Variants in FAM241A observed in about 807,000 individuals in gnomAD.
FAM241A encodes uncharacterized protein FAM241A.
Under a neutral mutation model 12.2 loss-of-function variants are expected in FAM241A, and 7 were observed. That is an observed-to-expected ratio of 0.58 (90% CI 0.33 to 1.08). The LOEUF (loss-of-function observed/expected upper bound fraction) is 1.08. Ranked by LOEUF, FAM241A falls within the 50% of genes least tolerant of loss-of-function variation. The pLI is 0.04. For missense variants in FAM241A, 161 were observed against 169.7 expected (o/e 0.95, Z 0.29); for synonymous variants, 74 against 68.2 (o/e 1.08, Z -0.42).
At chr4:112,171,979 G>C (rs1723733247) in intron 1 of FAM241A, among the ~76,000 whole-genome samples, 1 of 152,254 alleles carries the variant, frequency 6.6e-6, no homozygotes, top group East Asian at 1.9e-4. Flanking sequence ...CTGATACATT[G>C]AAACAATTAG....
chr4:112,162,538 C>T (rs1484096735), intron 1 of FAM241A, among the ~76,000 whole-genome samples: 5 of 152,128 alleles, frequency 3.3e-5, no homozygotes, highest in African/African-American at 9.7e-5. Context: ...AGAGCCAAAT[C>T]GTGAGTGAAC....
At chr4:112,151,632 A>G (rs1723246332) in intron 1 of FAM241A, among the ~76,000 whole-genome samples, 1 of 152,206 alleles carries the variant, frequency 6.6e-6, no homozygotes. Flanking sequence ...ATGGAGAATA[A>G]GCAAGTCAAT....
chr4:112,152,543 G>T (rs4834221), intron 1 of FAM241A, among the ~76,000 whole-genome samples: 2 of 151,934 alleles, frequency 1.3e-5, no homozygotes, highest in Non-Finnish European at 1.5e-5. Context: ...GCAGCTCCTC[G>T]TATGCAACTT....
intron 1 of FAM241A, among the ~76,000 whole-genome samples, chr4:112,173,475 AG>A (rs1723763402): frequency 1.3e-5 from 2 of 152,232 alleles, no homozygotes; most frequent in South Asian, 4.1e-4. Flanking sequence ...GTTAATTACC[AG>A]CTAAAGTACA....
intron 1 of FAM241A, among the ~76,000 whole-genome samples, chr4:112,185,032 C>T (rs758030410): frequency 1.1e-4 from 16 of 152,000 alleles, no homozygotes; most frequent in Non-Finnish European, 1.6e-4. Flanking sequence ...TTGGCCTATA[C>T]GGCATACTTA....
At chr4:112,171,329 G>A in intron 1 of FAM241A, 1 of 752,884 alleles carries the variant, frequency 1.3e-6, no homozygotes, top group Non-Finnish European at 2.4e-6. Flanking sequence ...CCCAGGGAAA[G>A]CGGTGTTACG....
At position 112,192,532 on chromosome 4, in the gene FAM241A, T is replaced by G. The variant is rs1724187900; in HGVS notation, c.*5594T>G. The G allele has an allele frequency of 7.3e-6, 1 of 136,430 alleles. No individual in the cohort carries two copies. The highest frequency in any genetic ancestry group is 1.5e-5 in the Non-Finnish European group (1 of 64,726). The allele number at this position is 136,430 out of a possible 1,614,324, so 8.5% of individuals were successfully genotyped here. A position where few individuals can be genotyped will look rare whatever the true frequency, so the allele number is the denominator to read the frequency against. On this transcript the variant is annotated 3_prime_UTR_variant, in exon 2 of 2. Coordinates refer to ENST00000309733, the MANE Select transcript of FAM241A (RefSeq NM_152400.3). ...CCACAACAGTCCCCAGAGTGTGATGTTCCCCTTCCTGTGTCCATGTGTTCT... is the reference window on the plus strand; with the variant it reads ...CCACAACAGTCCCCAGAGTGTGATGGTCCCCTTCCTGTGTCCATGTGTTCT...
intron 1 of FAM241A, among the ~76,000 whole-genome samples, chr4:112,182,616 C>T (rs1723962425): frequency 6.6e-6 from 1 of 152,124 alleles, no homozygotes; most frequent in Admixed American, 6.6e-5. Context: ...TCTCTTATTC[C>T]TACAGTGAAG....
intron 1 of FAM241A, among the ~76,000 whole-genome samples, chr4:112,165,444 A>G (rs1426106227): frequency 6.6e-6 from 1 of 152,236 alleles, no homozygotes; most frequent in African/African-American, 2.4e-5. Flanking sequence ...TCAAAGAGAT[A>G]TCTACACTCT....
chr4:112,152,656 T>C (rs935861672), intron 1 of FAM241A, among the ~76,000 whole-genome samples: 10 of 152,088 alleles, frequency 6.6e-5, no homozygotes, highest in Admixed American at 2.6e-4. Context: ...GTTTTTTCCC[T>C]CCCCACGCAT....
At chr4:112,171,816 G>A (rs1226216055) in intron 1 of FAM241A, among the ~76,000 whole-genome samples, 5 of 151,928 alleles carry the variant, frequency 3.3e-5, no homozygotes, top group East Asian at 3.9e-4. Context: ...CCGAGATCGC[G>A]CCACTGCACT....
intron 1 of FAM241A, among the ~76,000 whole-genome samples, chr4:112,165,839 T>G (rs1469081693): frequency 2.6e-5 from 4 of 152,158 alleles, no homozygotes; most frequent in Non-Finnish European, 5.9e-5. Flanking sequence ...GACCTAGTAT[T>G]TGATAGTACA....
chr4:112,190,972 G>T lies in FAM241A; in HGVS notation c.*4034G>T, dbSNP rs1158890729. 6.6e-6 allele frequency: 1 copy of T among 152,170 alleles called. No homozygotes were observed. Among genetic ancestry groups the T allele is most frequent in the Non-Finnish European group, 1.5e-5 (1 of 68,082 alleles). The allele number at this position is 152,170 out of a possible 1,614,324, so 9.4% of individuals were successfully genotyped here. ...AACAGCTCCCCAATTTGCATCTCTAGATCAGAGCACTGTACAGAATTTAAG... is the reference window on the plus strand; with the variant it reads ...AACAGCTCCCCAATTTGCATCTCTATATCAGAGCACTGTACAGAATTTAAG... On this transcript the variant is annotated 3_prime_UTR_variant, in exon 2 of 2. Transcript: ENST00000309733.
At chr4:112,170,501 CAT>C (rs1289213348) in intron 1 of FAM241A, among the ~76,000 whole-genome samples, 1 of 152,134 alleles carries the variant, frequency 6.6e-6, no homozygotes, top group African/African-American at 2.4e-5. Context: ...CTTATTGTAT[CAT>C]AGTCACCCTT....
chr4:112,166,921 C>A (rs369700628), intron 1 of FAM241A, among the ~76,000 whole-genome samples: 1 of 133,970 alleles, frequency 7.5e-6, no homozygotes, highest in Non-Finnish European at 1.6e-5. Flanking sequence ...GAGACCATCC[C>A]GGCTAAAATG....
chr4:112,168,144 G>T lies in FAM241A; in HGVS notation c.154-18549G>T, dbSNP rs576142957. On this transcript the variant is annotated intron_variant, in intron 1 of 1. Coordinates refer to ENST00000309733, the MANE Select transcript of FAM241A (RefSeq NM_152400.3). Reference sequence around the variant, plus strand: ...TTCACTATATCACCATTCACCTAAAGTTAAAACAACTAATATACTTTGTTA... The same window carrying T: ...TTCACTATATCACCATTCACCTAAATTTAAAACAACTAATATACTTTGTTA... 7.2e-5 allele frequency among the ~76,000 whole-genome samples: 11 copies of T among 152,266 alleles called. No homozygotes were observed. The South Asian group carries it at 1.7e-3, about 23-fold the overall frequency.
chr4:112,180,194 G>A (rs1212551523), intron 1 of FAM241A, among the ~76,000 whole-genome samples: 1 of 151,808 alleles, frequency 6.6e-6, no homozygotes, highest in Non-Finnish European at 1.5e-5. Context: ...AGACACTGGG[G>A]ACTACTGGAG....
At chr4:112,186,254 G>A (rs556585853) in intron 1 of FAM241A, among the ~76,000 whole-genome samples, 3 of 152,278 alleles carry the variant, frequency 2.0e-5, no homozygotes, top group South Asian at 4.1e-4. Flanking sequence ...AAGGGCCTGC[G>A]CTGAAGTCTG....
At chr4:112,175,982 A>G (rs1319818590) in intron 1 of FAM241A, among the ~76,000 whole-genome samples, 2 of 152,178 alleles carry the variant, frequency 1.3e-5, no homozygotes, top group Non-Finnish European at 2.9e-5. Flanking sequence ...ACAACATGTA[A>G]TACTGGACAC....
Sources: gnomAD v4.1 joint callset for allele counts (sites outside exome capture counted in the v4.1 genomes callset) on GRCh38, gnomAD v4.1.1 for gene constraint, MANE v1.5 for transcripts, NCBI Gene and HGNC (gene_info 2026-07-23, HGNC 2026-07-21) for gene names.